The following RHOA variants were observed in gnomAD, a reference collection of about 807,000 sequenced individuals.
The protein encoded by RHOA is transforming protein RhoA.
A neutral mutation model predicts 17.5 loss-of-function variants in RHOA; 3 were observed. The observed-to-expected ratio is 0.17, with a 90% confidence interval of 0.08 to 0.44. The LOEUF (loss-of-function observed/expected upper bound fraction) is 0.44. Among genes scored for constraint, RHOA ranks in the 20% least tolerant of loss-of-function variants. RHOA has a pLI of 0.99. For synonymous variants in RHOA, 98 were observed against 88.4 expected (o/e 1.11, Z -0.61); for missense variants, 56 against 242.3 (o/e 0.23, Z 5.10).
chr3:49,364,627 C>T (rs2048025499), intron 3 of RHOA, among the ~76,000 whole-genome samples: 1 of 151,820 alleles, frequency 6.6e-6, no homozygotes, highest in Admixed American at 6.6e-5. Flanking sequence ...TGCCACTGCC[C>T]TCCAGCCTGG....
chr3:49,385,047 C>G (rs999693633), intron 1 of RHOA, among the ~76,000 whole-genome samples: 2 of 149,926 alleles, frequency 1.3e-5, no homozygotes, highest in African/African-American at 4.9e-5. Context: ...TGGGTGACAG[C>G]AAGACTGTCT....
At chr3:49,397,294 T>C (rs2048632932) in intron 1 of RHOA, among the ~76,000 whole-genome samples, 1 of 152,118 alleles carries the variant, frequency 6.6e-6, no homozygotes, top group South Asian at 2.1e-4. Context: ...GATTAGTGGT[T>C]ACCTAAGGCT....
At chr3:49,407,086 G>C (rs976491662) in intron 1 of RHOA, among the ~76,000 whole-genome samples, 1 of 152,074 alleles carries the variant, frequency 6.6e-6, no homozygotes, top group South Asian at 2.1e-4. Context: ...AACAAAGGTT[G>C]AAGTGAACAA....
Position 49,362,604 on chromosome 3 carries a change from G to C in RHOA, c.300C>G (p.Thr100=), listed in dbSNP as rs1026556834. ...DSLENIPEKW[T]PEVKHFCPNV... is the part of the protein sequence containing the mutation. ...TGGGACAGAAATGCTTGACTTCTGGGGTCCACTTTTCTGGGATGTTTTCTG... is the reference window on the plus strand; with the variant it reads ...TGGGACAGAAATGCTTGACTTCTGGCGTCCACTTTTCTGGGATGTTTTCTG... The change falls in exon 4 of 5, where the codon ACC becomes ACG. Residue 100 remains threonine (T), a synonymous_variant. Transcript: ENST00000418115. 54 of 1,612,658 alleles carry C rather than the reference G, an allele frequency of 3.3e-5. No homozygotes were observed. The highest frequency in any genetic ancestry group is 4.2e-5 in the Non-Finnish European group (50 of 1,179,412).
intron 3 of RHOA, among the ~76,000 whole-genome samples, chr3:49,365,992 GGCA>G (rs1024639854): frequency 2.4e-4 from 36 of 152,232 alleles, no homozygotes; most frequent in African/African-American, 8.7e-4. Context: ...AGGAGGTCGA[GGCA>G]GCAGTAAACT....
rs375410561 is a variant in RHOA at position 49,406,960 on chromosome 3, T to C, written c.-3+4860A>G. Among the ~76,000 whole-genome samples, 9 of 152,078 alleles carry C rather than the reference T, an allele frequency of 5.9e-5. No homozygotes were observed. In the East Asian group the frequency reaches 1.4e-3, roughly 23 times the overall value. Reference sequence around the variant, plus strand: ...GAGATCAAGGCCATCCTGGCCAACATGGTGAGATCCCGTCTTTACTAAAAA... The same window carrying C: ...GAGATCAAGGCCATCCTGGCCAACACGGTGAGATCCCGTCTTTACTAAAAA... On this transcript the variant is annotated intron_variant, in intron 1 of 4. Transcript: ENST00000418115.
chr3:49,385,665 C>CAAAT (rs972498838), intron 1 of RHOA, among the ~76,000 whole-genome samples: 4 of 151,950 alleles, frequency 2.6e-5, no homozygotes, highest in African/African-American at 4.8e-5. Context: ...ATACCACAGC[C>CAAAT]AAATTCAAGG....
chr3:49,360,987 C>T (rs745511380), intron 4 of RHOA: 4 of 290,486 alleles, frequency 1.4e-5, no homozygotes, highest in South Asian at 4.9e-5. Flanking sequence ...GCAGGGGAAT[C>T]GCTTAAATCT....
intron 1 of RHOA, among the ~76,000 whole-genome samples, chr3:49,392,958 G>A (rs192024107): frequency 2.0e-4 from 31 of 152,072 alleles, no homozygotes; most frequent in Non-Finnish European, 1.9e-4. Flanking sequence ...GGGTAGATCA[G>A]CTGAGGTCAG....
At position 49,404,433 on chromosome 3, in the gene RHOA, A is replaced by ACACACACACAC. The variant is rs1553636256; in HGVS notation, c.-3+7386_-3+7387insGTGTGTGTGTG. Among the ~76,000 whole-genome samples, 10 of 90,748 alleles carry ACACACACACAC rather than the reference A, an allele frequency of 1.1e-4. No homozygotes were observed. In the East Asian group the frequency reaches 1.6e-3, roughly 15 times the overall value. The allele number at this position is 90,748 out of a possible 152,430, so 59.5% of individuals were successfully genotyped here. A position where few individuals can be genotyped will look rare whatever the true frequency, so the allele number is the denominator to read the frequency against. ...CAAAGTAAAACCCCGTCTCTAGTAA[A>ACACACACACAC]ACACACACACACACACACACACACA... On this transcript the variant is annotated intron_variant, in intron 1 of 4. Transcript: ENST00000418115.
chr3:49,391,215 CAA>C (rs1369392165), intron 1 of RHOA, among the ~76,000 whole-genome samples: 11 of 77,790 alleles, frequency 1.4e-4, no homozygotes, highest in Admixed American at 3.6e-4. Context: ...AACGCCGTCT[CAA>C]AAAAAAAAAA....
chr3:49,395,580 G>A (rs1396739385), intron 1 of RHOA, among the ~76,000 whole-genome samples: 2 of 151,932 alleles, frequency 1.3e-5, no homozygotes, highest in Admixed American at 6.6e-5. Context: ...AGGCGTGGTG[G>A]TGGGCGCCTA....
At chr3:49,361,607 G>A (rs1458475873) in intron 4 of RHOA, among the ~76,000 whole-genome samples, 2 of 152,162 alleles carry the variant, frequency 1.3e-5, no homozygotes, top group African/African-American at 4.8e-5. Flanking sequence ...AGGCCCGGGC[G>A]TGGTGGCTCA....
At chr3:49,406,377 A>C (rs553058153) in intron 1 of RHOA, among the ~76,000 whole-genome samples, 111 of 152,338 alleles carry the variant, frequency 7.3e-4, no homozygotes, top group African/African-American at 2.6e-3. Context: ...AAATGTATAC[A>C]TAACAAAAGT....
intron 1 of RHOA, among the ~76,000 whole-genome samples, chr3:49,402,860 AC>A (rs2048747972): frequency 6.6e-6 from 1 of 152,034 alleles, no homozygotes; most frequent in South Asian, 2.1e-4. Flanking sequence ...ACATGGCGAA[AC>A]CCCGTATCCA....
intron 1 of RHOA, among the ~76,000 whole-genome samples, chr3:49,404,261 C>A (rs1198732922): frequency 1.4e-5 from 2 of 147,792 alleles, no homozygotes; most frequent in African/African-American, 2.5e-5. Context: ...TATGACTGTG[C>A]CACTGCACTC....
At chr3:49,374,821 G>GA (rs892261359) in intron 2 of RHOA, among the ~76,000 whole-genome samples, 5 of 152,034 alleles carry the variant, frequency 3.3e-5, no homozygotes. Context: ...AGTTAAAAAT[G>GA]AAAAAACAGC....
chr3:49,382,411 A>G (rs375645225), intron 1 of RHOA, among the ~76,000 whole-genome samples: 14 of 152,066 alleles, frequency 9.2e-5, no homozygotes, highest in African/African-American at 3.4e-4. Flanking sequence ...AAGGCAGGCA[A>G]ATTGCTTGAG....
At chr3:49,383,685 T>C (rs1206358688) in intron 1 of RHOA, among the ~76,000 whole-genome samples, 2 of 152,122 alleles carry the variant, frequency 1.3e-5, no homozygotes, top group African/African-American at 4.8e-5. Flanking sequence ...CTTCCTAGAA[T>C]GTCCAGACTC....
Sources: allele counts gnomAD v4.1 joint callset (sites outside exome capture counted in the v4.1 genomes callset), GRCh38; gene constraint gnomAD v4.1.1; transcripts MANE v1.5; gene names NCBI Gene and HGNC (gene_info 2026-07-23, HGNC 2026-07-21).